Variants in FBN3 observed in about 807,000 individuals in gnomAD.
FBN3 encodes the protein fibrillin-3.
Under a neutral mutation model 330.1 loss-of-function variants are expected in FBN3, and 234 were observed. The ratio of observed to expected loss-of-function variants is 0.71; its 90% CI spans 0.64 to 0.79. The LOEUF (loss-of-function observed/expected upper bound fraction) is 0.79, where lower values mean the gene tolerates loss of function less well. Ranked by LOEUF, FBN3 falls within the 30% of genes least tolerant of loss-of-function variation. The pLI, the probability that FBN3 is intolerant of heterozygous loss-of-function variation, is 0.00. For synonymous variants in FBN3, 1,458 were observed against 1,517.3 expected, an observed-to-expected ratio of 0.96 and a Z score of 0.91; for missense variants, 3,606 against 3,886.9, an observed-to-expected ratio of 0.93 and a Z score of 1.92.
intron 13 of FBN3, among the ~76,000 whole-genome samples, 172 bp downstream of exon 13, chr19:8,135,789 G>A (rs1390110584): frequency 1.3e-5 from 2 of 152,172 alleles, no homozygotes; most frequent in African/African-American, 4.8e-5. Flanking sequence ...GGAGAGTCAG[G>A]GTGGTCAGGG....
At chr19:8,072,323 C>A in intron 62 of FBN3, 125 bp from the exon 63 acceptor site, 3 of 1,024,038 alleles carry the variant, frequency 2.9e-6, no homozygotes, top group Non-Finnish European at 4.2e-6. Flanking sequence ...ACAAATGCCT[C>A]TGAGCATGTG....
At chr19:8,127,047 TG>T (rs1239603508) in intron 18 of FBN3, among the ~76,000 whole-genome samples, 8 of 61,484 alleles carry the variant, frequency 1.3e-4, no homozygotes, top group Non-Finnish European at 2.8e-4. Flanking sequence ...AATGCCAAAC[TG>T]TTTTTTTTTT....
intron 31 of FBN3, 54 bp from the exon 32 acceptor site, chr19:8,111,824 C>A: frequency 1.3e-6 from 2 of 1,590,588 alleles, no homozygotes; most frequent in Non-Finnish European, 1.7e-6. Context: ...ATTGGGTGGG[C>A]GCAGAAGGGA....
At chr19:8,143,159 A>C (rs2083452226) in intron 6 of FBN3, among the ~76,000 whole-genome samples, 1 of 152,062 alleles carries the variant, frequency 6.6e-6, no homozygotes, top group South Asian at 2.1e-4. Flanking sequence ...TCCAGGCTTA[A>C]ATGCCCAGGT....
chr19:8,072,939 G>GT (rs1275062425), intron 62 of FBN3, 124 bp downstream of exon 62: 1 of 798,066 alleles, frequency 1.3e-6, no homozygotes, highest in Non-Finnish European at 2.0e-6. Context: ...GAGCTCTTCT[G>GT]GTAAATTCTT....
Position 8,146,159 on chromosome 19 carries a change from C to A in FBN3, c.317G>T (p.Gly106Val). 6.2e-7 allele frequency: 1 copy of A among 1,602,190 alleles called. No individual in the cohort carries two copies. The change falls in exon 4 of 64, where the codon GGG becomes GTG. Residue 106 changes from glycine to valine, a missense_variant. Physicochemically the swap from Gly to Val is moderately radical, Grantham distance 109. Transcript: ENST00000600128. ...CACCCCGCAGCTGGGAGCCAGCGTC[C>A]CATCCGCACAGGTGCACAGGTTGGG... ...SQPNLCTCADGTLAPSCGVSR... is the reference protein window; with the variant it reads ...SQPNLCTCADVTLAPSCGVSR...
chr19:8,138,644 A>G, intron 8 of FBN3, 80 bp from the exon 9 acceptor site: 1 of 1,436,500 alleles, frequency 7.0e-7, no homozygotes, highest in South Asian at 1.3e-5. Flanking sequence ...CTGTAGCAGC[A>G]CTGCCTGTAG....
At chr19:8,073,364 G>A in intron 61 of FBN3, 67 bp from the exon 62 acceptor site, 1 of 1,304,092 alleles carries the variant, frequency 7.7e-7, no homozygotes, top group Middle Eastern at 2.0e-4. Flanking sequence ...CACACCCCCA[G>A]AGCCCTCCAC....
chr19:8,087,947 T>C lies in FBN3; in HGVS notation c.6497A>G (p.Asp2166Gly). The C allele has an allele frequency of 6.2e-7, 1 of 1,614,054 alleles. No individual in the cohort carries two copies. The highest frequency in any genetic ancestry group is 8.5e-7 in the Non-Finnish European group (1 of 1,179,988). ...FEPGLMMTCE[D>G]IDECSLNPLL... is the part of the protein sequence containing the mutation. ...CGGGTTCAGGGAGCATTCGTCGATG[T>C]CTGGGGAGGCCAGTGGAGGTGCCAG... Residue 2166 changes from aspartate (D) to glycine (G), a missense_variant and splice_region_variant, in exon 53 of 64, where the codon GAC becomes GGC. Asp to Gly is a moderately conservative substitution (Grantham distance 94). Transcript: ENST00000600128.
chr19:8,115,590 C>T lies in FBN3; in HGVS notation c.3763G>A (p.Glu1255Lys), dbSNP rs146523311. 199 of 1,613,934 alleles carry T rather than the reference C, an allele frequency of 1.2e-4. No homozygotes were observed. The Admixed American group carries it at 2.7e-3, about 22-fold the overall frequency. Residue 1255 changes from glutamate (E) to lysine (K), a missense_variant, in exon 30 of 64, where the codon GAG becomes AAG. Coordinates refer to ENST00000600128, the MANE Select transcript of FBN3 (RefSeq NM_032447.5). ...CAGACAAAGGAACCCTTCGTGTTCTCGCAGTCCCCATGGAGGCAGATGTGA... is the reference window on the plus strand; with the variant it reads ...CAGACAAAGGAACCCTTCGTGTTCTTGCAGTCCCCATGGAGGCAGATGTGA... ...NPHICLHGDCENTKGSFVCHC... is the reference protein window; with the variant it reads ...NPHICLHGDCKNTKGSFVCHC...
Position 8,087,163 on chromosome 19 carries a change from A to T in FBN3, c.6668T>A (p.Met2223Lys). Reference sequence around the variant, plus strand: ...GGTACCGATGAGGTTCTTGCACTCCATGCCCCGGGCGTGGCAGTCCTGCTG... The same window carrying T: ...GGTACCGATGAGGTTCTTGCACTCCTTGCCCCGGGCGTGGCAGTCCTGCTG... ...DGQQDCHARG[M>K]ECKNLIGTFA... Residue 2223 changes from methionine to lysine, a missense_variant, in exon 54 of 64, where the codon ATG (methionine) becomes AAG (lysine). By Grantham distance (95) the Met-to-Lys change is moderately conservative. Coordinates refer to ENST00000600128, the MANE Select transcript of FBN3 (RefSeq NM_032447.5). The T allele has an allele frequency of 6.2e-7, 1 of 1,608,690 alleles. No individual in the cohort carries two copies. The highest frequency in any genetic ancestry group is 8.5e-7 in the Non-Finnish European group (1 of 1,178,606).
rs778135842 is a variant in FBN3, at chr19:8,129,226, G to C, written c.2170+14C>G. 2.9e-5 allele frequency: 47 copies of C among 1,613,662 alleles called. No homozygotes were observed. The highest frequency in any genetic ancestry group is 4.0e-5 in the Non-Finnish European group (47 of 1,179,762). On this transcript the variant is annotated intron_variant, in intron 17 of 63. Coordinates refer to ENST00000600128, the MANE Select transcript of FBN3 (RefSeq NM_032447.5). The surrounding 1 kb of genome is among the most constrained non-coding windows in gnomAD (Gnocchi z 4.5). ...AGGCTGCCCACACATCCGCCCGCCA[G>C]GTGGCATGCTCACCTGTGCAGTCCT...
chr19:8,108,272 T>C (rs1482941024), intron 36 of FBN3, 34 bp from the exon 37 acceptor site: 1 of 1,570,144 alleles, frequency 6.4e-7, no homozygotes, highest in South Asian at 1.2e-5. Context: ...TGAGGTGGGG[T>C]ATTGGGGCAA....
chr19:8,085,393 G>A lies in FBN3; in HGVS notation c.7057C>T (p.His2353Tyr), dbSNP rs115491028. The change falls in exon 56 of 64, where the codon CAT becomes TAT. Residue 2353 changes from histidine (H) to tyrosine (Y), a missense_variant. Transcript: ENST00000600128. ...CCCTCAGCAGTGTAGCCTGAGCCAT[G>A]GGGGCACAGCTTCCTGTAGGCAGAG... ...GTSAYRKLCP[H>Y]GSGYTAEGRD... 8.4e-4 allele frequency: 1,321 copies of A among 1,580,962 alleles called. 15 individuals carry two copies. The African/African-American group carries it at 0.016, about 19-fold the overall frequency.
chr19:8,102,703 A>C, intron 40 of FBN3, 21 bp downstream of exon 40: 1 of 1,603,526 alleles, frequency 6.2e-7, no homozygotes, highest in Non-Finnish European at 8.5e-7. Context: ...GCTGGGAAGA[A>C]GGTTGGGGAG....
In FBN3 at chr19:8,147,488, C is replaced by T. The variant is rs965883251; in HGVS notation, c.-8G>A. The T allele has an allele frequency of 2.7e-6, 4 of 1,462,140 alleles. No homozygotes were observed. In the East Asian group the frequency reaches 9.8e-5, roughly 36 times the overall value. 90.6% of individuals were successfully genotyped at this position (1,462,140 alleles called of 1,614,324 possible). On this transcript the variant is annotated 5_prime_UTR_variant, in exon 2 of 64. Transcript: ENST00000600128. ...CAGACCCTCCAGAGTCATGGCGTGT[C>T]CCCTGGAGGCTGCGGAGAGGAAGCA... is the stretch of plus-strand genomic sequence containing the variant.
rs548835102 is a variant in FBN3 at position 8,075,243 on chromosome 19, C to T, written c.7582+40G>A. 29 of 1,584,922 alleles carry T rather than the reference C, an allele frequency of 1.8e-5. No individual in the cohort carries two copies. In the South Asian group the frequency reaches 2.5e-4, roughly 14 times the overall value. On this transcript the variant is annotated intron_variant, in intron 60 of 63. Coordinates refer to ENST00000600128, the MANE Select transcript of FBN3 (RefSeq NM_032447.5). ...TTTACCAGACGGCTCTCAGGACCAA[C>T]ACCCCCAAACACTAGACCCCAGCCA...
At chr19:8,141,694 G>C (rs764403182) in intron 8 of FBN3, 23 bp downstream of exon 8, 1 of 1,604,336 alleles carries the variant, frequency 6.2e-7, no homozygotes, top group South Asian at 1.1e-5. Context: ...GAGGTCTCAG[G>C]TTGTCCCCCT....
rs951559826 is a variant in FBN3 at position 8,072,174 on chromosome 19, G to A, written c.7962C>T (p.Phe2654=). 1.9e-5 allele frequency: 30 copies of A among 1,572,556 alleles called. No homozygotes were observed. The highest frequency in any genetic ancestry group is 2.7e-5 in the African/African-American group (2 of 73,210). The change falls in exon 63 of 64, where the codon TTC becomes TTT. Residue 2654 remains phenylalanine (F), a synonymous_variant. Coordinates refer to ENST00000600128, the MANE Select transcript of FBN3 (RefSeq NM_032447.5). ...CCGGGGTGTCCTGGGGTCCGGGGCT[G>A]AAGCCCAGGCCGGAGACACAGTGCC... ...GQGHCVSGLG[F]SPGPQDTPDK...
Sources: allele counts gnomAD v4.1 joint callset (sites outside exome capture counted in the v4.1 genomes callset), GRCh38; gene constraint gnomAD v4.1.1; non-coding constraint Gnocchi (gnomAD v3.1); transcripts MANE v1.5; gene names NCBI Gene and HGNC (gene_info 2026-07-23, HGNC 2026-07-21).